Variants in SNX1 observed in about 807,000 individuals in gnomAD.
The protein encoded by SNX1 is sorting nexin-1.
In SNX1, 36 loss-of-function variants were observed where a neutral mutation model predicts 71.8. The ratio of observed to expected loss-of-function variants is 0.50; its 90% CI spans 0.38 to 0.66. SNX1 has a LOEUF of 0.66. SNX1 is among the 30% of genes least tolerant of loss of function. The pLI is 0.00. For synonymous variants in SNX1, 254 were observed against 240.7 expected, an observed-to-expected ratio of 1.06 and a Z score of -0.51; for missense variants, 612 against 646.7, an observed-to-expected ratio of 0.95 and a Z score of 0.58.
At chr15:64,123,693 T>C in intron 5 of SNX1, 147 bp downstream of exon 5, 1 of 655,484 alleles carries the variant, frequency 1.5e-6, no homozygotes, top group Non-Finnish European at 2.7e-6. Context: ...CTGCATCCCC[T>C]TGGTAATCTC....
intron 4 of SNX1, among the ~76,000 whole-genome samples, chr15:64,120,582 C>T (rs1032078268): frequency 8.5e-5 from 13 of 152,222 alleles, no homozygotes; most frequent in African/African-American, 2.6e-4. Flanking sequence ...AAGGCCAAGG[C>T]AGGAGGATCA....
At chr15:64,118,402 T>G (rs1262685775) in intron 3 of SNX1, among the ~76,000 whole-genome samples, 158 bp downstream of exon 3, 2 of 152,244 alleles carry the variant, frequency 1.3e-5, no homozygotes, top group Admixed American at 6.5e-5. Flanking sequence ...ACAGGAGTCT[T>G]TCTTGAGCAG....
intron 11 of SNX1, chr15:64,132,280 C>T: frequency 4.3e-6 from 1 of 229,924 alleles, no homozygotes; most frequent in South Asian, 6.0e-5. Flanking sequence ...GCCTCCTTAA[C>T]AGTAACTGGT....
At chr15:64,099,943 C>T (rs1174106207) in intron 1 of SNX1, among the ~76,000 whole-genome samples, 1 of 152,108 alleles carries the variant, frequency 6.6e-6, no homozygotes, top group Non-Finnish European at 1.5e-5. Context: ...AACTCCTGAC[C>T]TCAAGGGATC....
chr15:64,117,757 A>G (rs144773152), intron 2 of SNX1, among the ~76,000 whole-genome samples: 2 of 152,266 alleles, frequency 1.3e-5, no homozygotes, highest in African/African-American at 4.8e-5. Flanking sequence ...GTGCCACTGC[A>G]CTCCAACCTG....
chr15:64,131,475 C>A, intron 10 of SNX1: 1 of 561,328 alleles, frequency 1.8e-6, no homozygotes, highest in Non-Finnish European at 3.2e-6. Flanking sequence ...CTCAGGACAG[C>A]TGGTGCCTCT....
chr15:64,115,502 T>C, intron 2 of SNX1: 1 of 391,364 alleles, frequency 2.6e-6, no homozygotes, highest in South Asian at 1.9e-5. Context: ...CATGTTTTAA[T>C]ATAAGTTTTG....
At position 64,110,641 on chromosome 15, in the gene SNX1, GTCC is replaced by G. The variant is rs549882297; in HGVS notation, c.160-1928_160-1926del. On this transcript the variant is annotated intron_variant, in intron 1 of 14. Coordinates refer to ENST00000559844, the MANE Select transcript of SNX1 (RefSeq NM_003099.5). The stretch of plus-strand genomic sequence containing the variant: ...GGTCTCCAACTCCTGGGCTTAAGCA[GTCC>G]TCCCACCTTGGCCTCCCAAAGTGGT... 3.7e-3 allele frequency among the ~76,000 whole-genome samples: 562 copies of G among 152,248 alleles called. 2 individuals are homozygous for G. Among genetic ancestry groups the G allele is most frequent in the Non-Finnish European group, 6.4e-3 (438 of 68,012 alleles).
In SNX1 at chr15:64,137,845, A is replaced by C; in HGVS notation, c.*227A>C. 7.1e-7 allele frequency: 1 copy of C among 1,413,698 alleles called. No homozygotes were observed. Among genetic ancestry groups the C allele is most frequent in the South Asian group, 1.7e-5 (1 of 59,744 alleles). 87.6% of individuals were successfully genotyped at this position (1,413,698 alleles called of 1,614,324 possible). A position where few individuals can be genotyped will look rare whatever the true frequency, so the allele number is the denominator to read the frequency against. On this transcript the variant is annotated 3_prime_UTR_variant, in exon 15 of 15. Transcript: ENST00000559844. ...GTTTCCTGCTTTAAGCAAAAGACCT[A>C]CAATAGGTGGTGGAATTATGGGATG...
chr15:64,127,110 A>G, intron 6 of SNX1, 64 bp from the exon 7 acceptor site: 4 of 1,365,670 alleles, frequency 2.9e-6, no homozygotes, highest in Non-Finnish European at 4.1e-6. Flanking sequence ...ACACTTAAAA[A>G]AAAAAAAGAT....
chr15:64,104,773 T>C (rs905763579), intron 1 of SNX1, among the ~76,000 whole-genome samples: 2 of 151,166 alleles, frequency 1.3e-5, no homozygotes, highest in African/African-American at 4.9e-5. Flanking sequence ...TAATCCCAGC[T>C]ACTTGGGACG....
chr15:64,114,579 T>C (rs1356162804), intron 2 of SNX1, among the ~76,000 whole-genome samples: 2 of 152,126 alleles, frequency 1.3e-5, no homozygotes, highest in Admixed American at 6.6e-5. Context: ...GCTGGACATA[T>C]GGGAATCATC....
chr15:64,135,094 A>G, intron 12 of SNX1: 1 of 385,286 alleles, frequency 2.6e-6, no homozygotes, highest in Non-Finnish European at 4.7e-6. Flanking sequence ...TGGGCGGATC[A>G]CTTGAGGTCA....
rs2081421335 is a variant in SNX1 at position 64,142,224 on chromosome 15, C to G, written c.*4606C>G. 1.2e-5 allele frequency: 2 copies of G among 163,914 alleles called. No individual in the cohort carries two copies. Among genetic ancestry groups the G allele is most frequent in the African/African-American group, 4.8e-5 (2 of 41,498 alleles). 10.2% of individuals were successfully genotyped at this position (163,914 alleles called of 1,614,324 possible). A position where few individuals can be genotyped will look rare whatever the true frequency, so the allele number is the denominator to read the frequency against. On this transcript the variant is annotated 3_prime_UTR_variant, in exon 15 of 15. Coordinates refer to ENST00000559844, the MANE Select transcript of SNX1 (RefSeq NM_003099.5). ...TGTGTGGTGGTGCATGCCTGTAGGCCCAGCTACGCGGGAACATCACCTGAG... is the reference window on the plus strand; with the variant it reads ...TGTGTGGTGGTGCATGCCTGTAGGCGCAGCTACGCGGGAACATCACCTGAG...
chr15:64,110,602 G>A (rs2081069158), intron 1 of SNX1, among the ~76,000 whole-genome samples: 3 of 152,142 alleles, frequency 2.0e-5, no homozygotes. Flanking sequence ...GGGCCTCACT[G>A]TGTTGCTGAG....
chr15:64,123,057 C>T (rs746293698), intron 4 of SNX1, among the ~76,000 whole-genome samples: 4 of 152,132 alleles, frequency 2.6e-5, no homozygotes, highest in Non-Finnish European at 4.4e-5. Context: ...CCAGAGCTAG[C>T]CTAGGGTAGA....
At chr15:64,127,481 T>G (rs2081265482) in intron 7 of SNX1, among the ~76,000 whole-genome samples, 1 of 152,220 alleles carries the variant, frequency 6.6e-6, no homozygotes, top group African/African-American at 2.4e-5. Flanking sequence ...AGTCATATTC[T>G]TAGACAATCA....
Position 64,133,528 on chromosome 15 carries a change from G to A in SNX1, c.1222-1136G>A, listed in dbSNP as rs572811030. ...ATGGATCACCTGAGGTCAGGAGTTC[G>A]AGACCAGCCTGGCCAGTGTGGCGAA... On this transcript the variant is annotated intron_variant, in intron 11 of 14. Transcript: ENST00000559844. 2.7e-3 allele frequency among the ~76,000 whole-genome samples: 416 copies of A among 152,310 alleles called. 2 individuals carry two copies. The highest frequency in any genetic ancestry group is 9.3e-3 in the African/African-American group (385 of 41,562).
At chr15:64,116,548 G>C (rs1424748367) in intron 2 of SNX1, among the ~76,000 whole-genome samples, 1 of 152,122 alleles carries the variant, frequency 6.6e-6, no homozygotes, top group Admixed American at 6.6e-5. Context: ...ACTGATCTGG[G>C]ACTTGATTAT....
Sources: gnomAD v4.1 joint callset for allele counts (sites outside exome capture counted in the v4.1 genomes callset) on GRCh38, gnomAD v4.1.1 for gene constraint, MANE v1.5 for transcripts, NCBI Gene and HGNC (gene_info 2026-07-23, HGNC 2026-07-21) for gene names.